Variants in NELL1 observed in about 807,000 individuals in gnomAD.
NELL1 encodes neural EGFL like 1.
In NELL1, 76 loss-of-function variants were observed where a neutral mutation model predicts 107.4. The observed-to-expected ratio is 0.71, with a 90% CI of 0.59 to 0.86. NELL1 has a LOEUF of 0.86. NELL1 is among the 40% of genes least tolerant of loss of function. The pLI, the probability that NELL1 is intolerant of heterozygous loss-of-function variation, is 0.00. For synonymous variants in NELL1, 353 were observed against 341.2 expected, an observed-to-expected ratio of 1.03 and a Z score of -0.38; for missense variants, 1,024 against 1,005.5, an observed-to-expected ratio of 1.02 and a Z score of -0.25.
At chr11:21,501,052 T>C (rs1855127515) in intron 15 of NELL1, among the ~76,000 whole-genome samples, 1 of 152,166 alleles carries the variant, frequency 6.6e-6, no homozygotes, top group African/African-American at 2.4e-5. Flanking sequence ...GTACTTACTG[T>C]CTGTGAATAT....
intron 16 of NELL1, among the ~76,000 whole-genome samples, chr11:21,555,847 T>C (rs1255402520): frequency 6.6e-6 from 1 of 151,906 alleles, no homozygotes; most frequent in East Asian, 1.9e-4. Context: ...TTCTGATGTG[T>C]TCTAACTGTG....
At chr11:21,147,220 T>C (rs546371212) in intron 13 of NELL1, among the ~76,000 whole-genome samples, 2 of 152,270 alleles carry the variant, frequency 1.3e-5, no homozygotes, top group South Asian at 4.1e-4. Context: ...CTTAAATTAA[T>C]GGGGAAATGA....
intron 14 of NELL1, among the ~76,000 whole-genome samples, chr11:21,268,015 C>A (rs1199771371): frequency 1.3e-5 from 2 of 151,708 alleles, no homozygotes; most frequent in Middle Eastern, 3.2e-3. Context: ...ATTTAGCCAT[C>A]CTTTGTCTTT....
intron 14 of NELL1, among the ~76,000 whole-genome samples, chr11:21,268,405 G>C (rs1848676378): frequency 6.6e-6 from 1 of 152,104 alleles, no homozygotes; most frequent in South Asian, 2.1e-4. Context: ...CTGCCTTTAA[G>C]AGGAACTATT....
At chr11:21,559,537 G>A (rs1856802500) in intron 16 of NELL1, among the ~76,000 whole-genome samples, 1 of 152,054 alleles carries the variant, frequency 6.6e-6, no homozygotes, top group East Asian at 1.9e-4. Flanking sequence ...TCTTTCATCA[G>A]CATCCATCCA....
intron 12 of NELL1, 125 bp downstream of exon 12, chr11:20,960,685 T>C: frequency 9.5e-7 from 1 of 1,056,182 alleles, no homozygotes; most frequent in Non-Finnish European, 1.4e-6. Flanking sequence ...TAAGAAATCA[T>C]ATCAATTGCT....
chr11:21,096,943 C>T (rs1179787311), intron 12 of NELL1, among the ~76,000 whole-genome samples: 1 of 152,034 alleles, frequency 6.6e-6, no homozygotes, highest in African/African-American at 2.4e-5. Context: ...TCTTCAACTC[C>T]TGGGTTTGAG....
intron 14 of NELL1, among the ~76,000 whole-genome samples, chr11:21,280,996 C>T (rs903660720): frequency 6.6e-6 from 1 of 151,826 alleles, no homozygotes; most frequent in East Asian, 2.0e-4. Flanking sequence ...GGAGTGCTTG[C>T]ACCGTCCCTC....
intron 15 of NELL1, among the ~76,000 whole-genome samples, chr11:21,530,367 A>G (rs1855962659): frequency 6.6e-6 from 1 of 152,156 alleles, no homozygotes; most frequent in South Asian, 2.1e-4. Context: ...GAAGAGATCC[A>G]TCCAGCTCAA....
intron 2 of NELL1, among the ~76,000 whole-genome samples, chr11:20,717,235 T>A (rs1855273353): frequency 6.6e-6 from 1 of 152,232 alleles, no homozygotes; most frequent in Non-Finnish European, 1.5e-5. Flanking sequence ...AATACTACAT[T>A]GTGAGGCAGC....
intron 5 of NELL1, among the ~76,000 whole-genome samples, chr11:20,892,687 T>A (rs1849641222): frequency 6.6e-6 from 1 of 152,264 alleles, no homozygotes; most frequent in East Asian, 1.9e-4. Context: ...TCCCAGCACT[T>A]TGGGAGGCCG....
intron 14 of NELL1, chr11:21,262,390 T>C (rs950223167): frequency 4.6e-5 from 7 of 151,924 alleles, no homozygotes; most frequent in Admixed American, 3.3e-4. Context: ...CTCCATTAAT[T>C]ACCTGAGAAA....
At chr11:21,027,334 A>AGTTTC (rs1416243910) in intron 12 of NELL1, among the ~76,000 whole-genome samples, 1 of 143,684 alleles carries the variant, frequency 7.0e-6, no homozygotes, top group Non-Finnish European at 1.5e-5. Context: ...AGTTTAGTTT[A>AGTTTC]GTTTAGTGGT....
intron 12 of NELL1, among the ~76,000 whole-genome samples, chr11:20,964,243 GA>G (rs1396353248): frequency 6.6e-6 from 1 of 152,046 alleles, no homozygotes; most frequent in Non-Finnish European, 1.5e-5. Context: ...AGTGTCTGAG[GA>G]AAGTATAGCA....
At chr11:20,859,017 G>A (rs986394940) in intron 4 of NELL1, among the ~76,000 whole-genome samples, 6 of 152,214 alleles carry the variant, frequency 3.9e-5, no homozygotes, top group African/African-American at 1.2e-4. Flanking sequence ...CCTGAGGAAC[G>A]TGATTTACCC....
intron 14 of NELL1, among the ~76,000 whole-genome samples, chr11:21,272,719 A>T (rs1848766681): frequency 6.6e-6 from 1 of 152,192 alleles, no homozygotes; most frequent in Non-Finnish European, 1.5e-5. Context: ...CAGAGGAACG[A>T]TCAGGCAGCA....
intron 15 of NELL1, among the ~76,000 whole-genome samples, chr11:21,501,833 T>G (rs1855151689): frequency 6.6e-6 from 1 of 152,072 alleles, no homozygotes; most frequent in African/African-American, 2.4e-5. Context: ...GGAGCCAATG[T>G]ATTTGTTTAT....
In NELL1 at chr11:20,995,831, C is replaced by T. The variant is rs145112792; in HGVS notation, c.1300+35271C>T. 5.9e-5 allele frequency among the ~76,000 whole-genome samples: 9 copies of T among 152,274 alleles called. No individual in the cohort carries two copies. In the East Asian group the frequency reaches 1.7e-3, roughly 29 times the overall value. On this transcript the variant is annotated intron_variant, in intron 12 of 19. Transcript: ENST00000357134. ...TGTAAATCACCTCCTTAGAGCTAAT[C>T]TGGCTCACTGGAATGCTACGGAATT... is the stretch of plus-strand genomic sequence containing the variant.
Position 21,027,317 on chromosome 11 carries a change from T to TTAGTA in NELL1, c.1300+66761_1300+66762insATAGT, listed in dbSNP as rs1478160165. Among the ~76,000 whole-genome samples the TTAGTA allele has an allele frequency of 2.7e-5, 4 of 149,256 alleles. No homozygotes were observed. In the East Asian group the frequency reaches 7.8e-4, roughly 29 times the overall value. On this transcript the variant is annotated intron_variant, in intron 12 of 19. Transcript: ENST00000357134. ...TTAGTTTAGTTTAGTTTAGTTTAGTTTAGTTTAGTTTAGTTTAGTTTAGTG... is the reference window on the plus strand; with the variant it reads ...TTAGTTTAGTTTAGTTTAGTTTAGTTTAGTATAGTTTAGTTTAGTTTAGTTTAGTG...
Sources: gnomAD v4.1 joint callset for allele counts (sites outside exome capture counted in the v4.1 genomes callset) on GRCh38, gnomAD v4.1.1 for gene constraint, MANE v1.5 for transcripts, NCBI Gene and HGNC (gene_info 2026-07-23, HGNC 2026-07-21) for gene names.